Variants in ATXN2 observed in about 807,000 individuals in gnomAD.
The protein encoded by ATXN2 is ataxin-2.
A neutral mutation model predicts 138.6 loss-of-function variants in ATXN2; 37 were observed. The ratio of observed to expected loss-of-function variants is 0.27; its 90% CI spans 0.21 to 0.35. The LOEUF (loss-of-function observed/expected upper bound fraction) is 0.35, where lower values mean the gene tolerates loss of function less well. Ranked by LOEUF, ATXN2 falls within the 10% of genes least tolerant of loss-of-function variation. The probability of loss-of-function intolerance (pLI) is 1.00; values close to 1 mark genes in which losing one functional copy is unlikely to be tolerated. For synonymous variants in ATXN2, 549 were observed against 543.7 expected (o/e 1.01, Z -0.13); for missense variants, 1,216 against 1,480.3 (o/e 0.82, Z 2.93).
intron 1 of ATXN2, among the ~76,000 whole-genome samples, chr12:111,558,249 C>A (rs998748687): frequency 4.6e-5 from 7 of 152,152 alleles, no homozygotes; most frequent in Non-Finnish European, 1.0e-4. Context: ...ATTCTTGTTT[C>A]TTTTTGTATC....
chr12:111,463,001 C>CACACAT (rs1372187820), intron 21 of ATXN2, among the ~76,000 whole-genome samples: 1 of 130,916 alleles, frequency 7.6e-6, no homozygotes, highest in East Asian at 1.9e-4. Context: ...CACACACACA[C>CACACAT]ATATATGTAT....
At chr12:111,495,826 A>G (rs1351030616) in intron 14 of ATXN2, among the ~76,000 whole-genome samples, 1 of 152,044 alleles carries the variant, frequency 6.6e-6, no homozygotes, top group Non-Finnish European at 1.5e-5. Context: ...TCAAAGATAG[A>G]CCCTATGTTA....
chr12:111,599,431 C>A (rs1041056056), upstream of ATXN2: 2 of 1,185,306 alleles, frequency 1.7e-6, no homozygotes, highest in Admixed American at 9.1e-5. Context: ...GGAGCGAGCG[C>A]CACCCGGGCC....
At chr12:111,597,736 A>G in intron 1 of ATXN2, 1 of 706,248 alleles carries the variant, frequency 1.4e-6, no homozygotes, top group South Asian at 1.4e-5. Context: ...AAAAGACGCT[A>G]GTAAACACCC....
At chr12:111,492,926 C>A (rs1592828447) in intron 14 of ATXN2, among the ~76,000 whole-genome samples, 2 of 151,872 alleles carry the variant, frequency 1.3e-5, no homozygotes, top group East Asian at 1.9e-4. Flanking sequence ...TCAACGAAAT[C>A]CAAGATAATA....
intron 1 of ATXN2, among the ~76,000 whole-genome samples, chr12:111,568,107 A>G (rs1883116110): frequency 6.6e-6 from 1 of 151,876 alleles, no homozygotes; most frequent in African/African-American, 2.4e-5. Context: ...ATAAAAATAC[A>G]AAAATTAGCC....
intron 21 of ATXN2, among the ~76,000 whole-genome samples, chr12:111,462,969 T>TACACACAC (rs199797015): frequency 0.017 from 2,256 of 136,166 alleles, 60 homozygotes; most frequent in African/African-American, 0.059. Context: ...CATACATATA[T>TACACACAC]ATATATATAC....
chr12:111,464,247 G>GGGGT (rs71445545), intron 21 of ATXN2, among the ~76,000 whole-genome samples: 107 of 134,716 alleles, frequency 7.9e-4, no homozygotes, highest in African/African-American at 2.6e-3. Context: ...TGTGGCTTGG[G>GGGGT]GTGTGTGTGT....
At chr12:111,573,410 G>A (rs2135816769) in intron 1 of ATXN2, among the ~76,000 whole-genome samples, 1 of 151,990 alleles carries the variant, frequency 6.6e-6, no homozygotes, top group South Asian at 2.1e-4. Flanking sequence ...TGGCCAGGCT[G>A]GTCTCAAATT....
intron 14 of ATXN2, among the ~76,000 whole-genome samples, chr12:111,489,886 A>G (rs1370400824): frequency 6.6e-6 from 1 of 152,188 alleles, no homozygotes; most frequent in African/African-American, 2.4e-5. Context: ...GTCAAAAGGA[A>G]TATGACAATA....
At chr12:111,476,957 AAGAG>A in intron 18 of ATXN2, among the ~76,000 whole-genome samples, 1 of 152,324 alleles carries the variant, frequency 6.6e-6, no homozygotes, top group South Asian at 2.1e-4. Flanking sequence ...AACAGCAATA[AAGAG>A]AGAATTGGCA....
At chr12:111,521,032 G>A in intron 6 of ATXN2, 59 bp from the exon 7 acceptor site, 1 of 1,107,170 alleles carries the variant, frequency 9.0e-7, no homozygotes, top group East Asian at 2.4e-5. Context: ...CTTTCATTCA[G>A]TTATAACCAA....
In ATXN2 at chr12:111,599,085, C is replaced by G; in HGVS notation, c.-51G>C. The stretch of plus-strand genomic sequence containing the variant: ...CACGCCGGGCGGGGACAGCCGGGAG[C>G]CGGGCGCGCCAAGGAGACGCCGGAA... On this transcript the variant is annotated 5_prime_UTR_variant, in exon 1 of 25. Transcript: ENST00000673436. 2.9e-6 allele frequency: 4 copies of G among 1,375,198 alleles called. No homozygotes were observed. The highest frequency in any genetic ancestry group is 3.8e-6 in the Non-Finnish European group (4 of 1,063,516). 85.2% of individuals were successfully genotyped at this position (1,375,198 alleles called of 1,614,324 possible). A position where few individuals can be genotyped will look rare whatever the true frequency, so the allele number is the denominator to read the frequency against.
chr12:111,477,014 A>G (rs1453210371), intron 18 of ATXN2, among the ~76,000 whole-genome samples: 4 of 152,112 alleles, frequency 2.6e-5, no homozygotes, highest in African/African-American at 9.7e-5. Flanking sequence ...CAGTTCACAA[A>G]TAGACACACA....
intron 1 of ATXN2, among the ~76,000 whole-genome samples, chr12:111,558,555 T>C (rs1882507917): frequency 2.6e-5 from 4 of 152,124 alleles, no homozygotes; most frequent in African/African-American, 4.8e-5. Context: ...CCCAGCACTT[T>C]AGGAGGCTGA....
intron 14 of ATXN2, among the ~76,000 whole-genome samples, chr12:111,501,494 T>C (rs1878759154): frequency 6.6e-6 from 1 of 152,060 alleles, no homozygotes; most frequent in Admixed American, 6.5e-5. Context: ...CCAAGATACC[T>C]CTTCAGCCTC....
At chr12:111,554,278 T>C in intron 2 of ATXN2, 61 bp from the exon 3 acceptor site, 2 of 1,181,482 alleles carry the variant, frequency 1.7e-6, no homozygotes, top group Non-Finnish European at 2.3e-6. Context: ...CTTCCTCATC[T>C]AAAATGCTTG....
At chr12:111,470,778 A>G in intron 18 of ATXN2, 36 bp from the exon 19 acceptor site, 4 of 1,604,792 alleles carry the variant, frequency 2.5e-6, no homozygotes, top group Non-Finnish European at 3.4e-6. Flanking sequence ...ATTAAACAGT[A>G]TCTCCACAGC....
At position 111,598,254 on chromosome 12, in the gene ATXN2, C is replaced by T. The variant is rs1250952634; in HGVS notation, c.251+530G>A. ...GAGCCCCGACAGACCCTGATGATTC[C>T]GGAGGAGCCCGGTGCCTACCCCTTT... On this transcript the variant is annotated intron_variant, in intron 1 of 24. Transcript: ENST00000673436. The surrounding 1 kb of genome is among the most constrained non-coding windows in gnomAD (Gnocchi z 4.5). 2 of 1,025,704 alleles carry T rather than the reference C, an allele frequency of 1.9e-6. No individual in the cohort carries two copies. The highest frequency in any genetic ancestry group is 3.4e-5 in the African/African-American group (2 of 58,236). 63.5% of individuals were successfully genotyped at this position (1,025,704 alleles called of 1,614,324 possible).
Sources: allele counts gnomAD v4.1 joint callset (sites outside exome capture counted in the v4.1 genomes callset), GRCh38; gene constraint gnomAD v4.1.1; non-coding constraint Gnocchi (gnomAD v3.1); transcripts MANE v1.5; gene names NCBI Gene and HGNC (gene_info 2026-07-23, HGNC 2026-07-21).